The following SLC23A3 variants were observed in gnomAD, a reference collection of about 807,000 sequenced individuals.
SLC23A3 encodes the protein solute carrier family 23 member 3, also known as E2-binding protein 3.
A neutral mutation model predicts 64.7 loss-of-function variants in SLC23A3; 41 were observed. The ratio of observed to expected loss-of-function variants is 0.63; its 90% CI spans 0.49 to 0.82. The LOEUF (loss-of-function observed/expected upper bound fraction) is 0.82. SLC23A3 is among the 40% of genes least tolerant of loss of function. SLC23A3 has a pLI of 0.00. For synonymous variants in SLC23A3, 281 were observed against 306.8 expected (o/e 0.92, Z 0.88); for missense variants, 647 against 733.4 (o/e 0.88, Z 1.36).
chr2:219,168,673 G>A lies in SLC23A3; in HGVS notation c.653C>T (p.Thr218Ile), dbSNP rs748963017. ...AHREVAQFCF[T>I]HWGLALLVIL... ...GTACAGCAAGGCCAACCCCCAGTGT[G>A]TGAAGCAGAACTGGGCTACCTCCCT... The change falls in exon 5 of 12, where the codon ACA (threonine) becomes ATA (isoleucine). Residue 218 changes from threonine (T) to isoleucine (I), a missense_variant. Transcript: ENST00000409878. 2.5e-6 allele frequency: 4 copies of A among 1,613,902 alleles called. No individual in the cohort carries two copies. The highest frequency in any genetic ancestry group is 1.1e-5 in the South Asian group (1 of 91,064).
chr2:219,168,016 A>G lies in SLC23A3; in HGVS notation c.827T>C (p.Ile276Thr), dbSNP rs562357822. 3.7e-5 allele frequency: 59 copies of G among 1,589,332 alleles called. No homozygotes were observed. The highest frequency in any genetic ancestry group is 3.3e-4 in the Middle Eastern group (2 of 5,982). Residue 276 changes from isoleucine to threonine, a missense_variant, in exon 7 of 12, where the codon ATT becomes ACT. Transcript: ENST00000409878. ...SVLIPVACVW[I>T]VSAFVGFSVI... is the part of the protein sequence containing the mutation. The stretch of plus-strand genomic sequence containing the variant: ...ACTGAATCCCACAAAGGCAGAAACA[A>G]TCCACACACAGGCCACTGGGATCAG...
chr2:219,164,317 G>A lies in SLC23A3; in HGVS notation c.1189C>T (p.His397Tyr). 1 of 1,603,324 alleles carries A rather than the reference G, an allele frequency of 6.2e-7. No homozygotes were observed. Residue 397 changes from histidine (H) to tyrosine (Y), a missense_variant, in exon 9 of 12, where the codon CAC (histidine) becomes TAC (tyrosine). His to Tyr is a moderately conservative substitution (Grantham distance 83). Transcript: ENST00000409878. ...CCCACGCAGAGTAGCCCCACTAAGT[G>A]AGCCACTTGCTGAGATCCAGCCTGC... Reference protein sequence around the residue: ...LIQAGSQQVAHLVGLLCVGLG... With the variant: ...LIQAGSQQVAYLVGLLCVGLG...
In SLC23A3 at chr2:219,167,911, G is replaced by C. The variant is rs369868538; in HGVS notation, c.913+19C>G. Reference sequence around the variant, plus strand: ...ACCTTTATTTGAACAAGAGAATGGAGGACTAGGAGAAAACCTACCTGGGTG... The same window carrying C: ...ACCTTTATTTGAACAAGAGAATGGACGACTAGGAGAAAACCTACCTGGGTG... On this transcript the variant is annotated intron_variant, in intron 7 of 11. Transcript: ENST00000409878. The C allele has an allele frequency of 7.8e-6, 12 of 1,531,364 alleles. No individual in the cohort carries two copies. 94.9% of individuals were successfully genotyped at this position (1,531,364 alleles called of 1,614,324 possible). A position where few individuals can be genotyped will look rare whatever the true frequency, so the allele number is the denominator to read the frequency against.
intron 9 of SLC23A3, 126 bp downstream of exon 9, chr2:219,164,107 C>T: frequency 1.5e-6 from 1 of 656,490 alleles, no homozygotes; most frequent in Non-Finnish European, 2.7e-6. Context: ...TCCATCCATC[C>T]ATCCATCCAT....
chr2:219,163,467 G>A lies in SLC23A3; in HGVS notation c.1362C>T (p.Ile454=). The change falls in exon 10 of 12, where the codon ATC becomes ATT. Residue 454 remains isoleucine, a synonymous_variant. Transcript: ENST00000409878. Reference sequence around the variant, plus strand: ...TGAAGATGGAGAAGCCCACAATGAAGATATTTCGCCCAGAGTCTATGTCAG... The same window carrying A: ...TGAAGATGGAGAAGCCCACAATGAAAATATTTCGCCCAGAGTCTATGTCAG... ...YLADIDSGRN[I]FIVGFSIFMA... is the part of the protein sequence containing the mutation. The A allele has an allele frequency of 2.5e-6, 4 of 1,614,202 alleles. No individual in the cohort carries two copies. The highest frequency in any genetic ancestry group is 3.4e-6 in the Non-Finnish European group (4 of 1,180,042).
chr2:219,163,664 G>A (rs1949972507), intron 9 of SLC23A3, 109 bp from the exon 10 acceptor site: 1 of 1,119,134 alleles, frequency 8.9e-7, no homozygotes, highest in Non-Finnish European at 1.3e-6. Context: ...TAAAACCCAA[G>A]AGAATGATTT....
chr2:219,168,453 G>A, intron 5 of SLC23A3, 135 bp from the exon 6 acceptor site: 1 of 1,210,310 alleles, frequency 8.3e-7, no homozygotes, highest in Non-Finnish European at 1.1e-6. Context: ...GGAATAGGAA[G>A]TGACCTTGGG....
chr2:219,163,901 C>T (rs1225486559), intron 9 of SLC23A3, among the ~76,000 whole-genome samples: 3 of 152,034 alleles, frequency 2.0e-5, no homozygotes, highest in Admixed American at 6.5e-5. Flanking sequence ...AGGGTTTCAT[C>T]ATGTTGGCCA....
intron 6 of SLC23A3, 62 bp downstream of exon 6, chr2:219,168,133 T>A: frequency 6.3e-7 from 1 of 1,594,040 alleles, no homozygotes; most frequent in East Asian, 2.2e-5. Context: ...AGGTAGGGGA[T>A]GGAGTGAGCA....
rs1003835007 is a variant in SLC23A3, at chr2:219,162,530, C to G, written c.1442-136G>C. On this transcript the variant is annotated intron_variant, in intron 10 of 11. Coordinates refer to ENST00000409878, the MANE Select transcript of SLC23A3 (RefSeq NM_001144889.2). Reference sequence around the variant, plus strand: ...TGAATTGTCATTTCATCCCTCTCACCCTTTGTCTTTCTACTCTCCACTTTC... The same window carrying G: ...TGAATTGTCATTTCATCCCTCTCACGCTTTGTCTTTCTACTCTCCACTTTC... 13 of 672,082 alleles carry G rather than the reference C, an allele frequency of 1.9e-5. No individual in the cohort carries two copies. The Admixed American group carries it at 3.1e-4, about 16-fold the overall frequency. 41.6% of individuals were successfully genotyped at this position (672,082 alleles called of 1,614,324 possible).
At chr2:219,168,995 C>T in intron 4 of SLC23A3, 34 bp downstream of exon 4, 2 of 1,601,736 alleles carry the variant, frequency 1.2e-6, no homozygotes, top group East Asian at 2.2e-5. Flanking sequence ...AAGCCTGGCA[C>T]CACCCTTATC....
At chr2:219,162,622 C>CA (rs1949960303) in intron 10 of SLC23A3, among the ~76,000 whole-genome samples, 1 of 152,204 alleles carries the variant, frequency 6.6e-6, no homozygotes, top group Non-Finnish European at 1.5e-5. Flanking sequence ...ACACACCCTC[C>CA]ATATATGCTT....
At position 219,169,135 on chromosome 2, in the gene SLC23A3, G is replaced by A. The variant is rs756700381; in HGVS notation, c.419-33C>T. ...AAGTTTGGGGCATGGAGAAGAGAAG[G>A]GTGAATGGAATGGAGACCCATTGCT... is the stretch of plus-strand genomic sequence containing the variant. On this transcript the variant is annotated intron_variant, in intron 3 of 11. Transcript: ENST00000409878. The surrounding 1 kb of genome is among the most constrained non-coding windows in gnomAD (Gnocchi z 4.5). The A allele has an allele frequency of 1.2e-5, 20 of 1,609,492 alleles. 1 individual carries two copies. Among genetic ancestry groups the A allele is most frequent in the Admixed American group, 3.3e-5 (2 of 59,976 alleles).
In SLC23A3 at chr2:219,161,955, T is replaced by C; in HGVS notation, c.1787A>G (p.Glu596Gly). The C allele has an allele frequency of 6.2e-7, 1 of 1,605,904 alleles. No homozygotes were observed. Among genetic ancestry groups the C allele is most frequent in the Non-Finnish European group, 8.5e-7 (1 of 1,175,420 alleles). The change falls in exon 12 of 12, where the codon GAG becomes GGG. Residue 596 changes from glutamate to glycine, a missense_variant. Physicochemically the swap from Glu to Gly is moderately conservative, Grantham distance 98. Transcript: ENST00000409878. ...EMADLLPGSG[E>G]PCPESSREGF... ...TTCTCTGCTAGATTCAGGGCATGGCTCCCCTGAGCCAGGCAGCAAGTCTGC... is the reference window on the plus strand; with the variant it reads ...TTCTCTGCTAGATTCAGGGCATGGCCCCCCTGAGCCAGGCAGCAAGTCTGC...
chr2:219,163,681 T>A lies in SLC23A3; in HGVS notation c.1274-126A>T, dbSNP rs369188504. 9 of 917,306 alleles carry A rather than the reference T, an allele frequency of 9.8e-6. No individual in the cohort carries two copies. In the African/African-American group the frequency reaches 1.5e-4, roughly 15 times the overall value. 56.8% of individuals were successfully genotyped at this position (917,306 alleles called of 1,614,324 possible). A position where few individuals can be genotyped will look rare whatever the true frequency, so the allele number is the denominator to read the frequency against. ...AAACCCAAGAGAATGATTTTTGTTT[T>A]TTTTGTTTTTTTGTTTTTTTGGTTT... is the stretch of plus-strand genomic sequence containing the variant. On this transcript the variant is annotated intron_variant, in intron 9 of 11. Coordinates refer to ENST00000409878, the MANE Select transcript of SLC23A3 (RefSeq NM_001144889.2).
chr2:219,165,529 G>A lies in SLC23A3; in HGVS notation c.914-107C>T, dbSNP rs970163242. Reference sequence around the variant, plus strand: ...TCCTAGATGCCTCAATGTCTTTGAAGACAATGTCTTGGGACAAAACTACTG... The same window carrying A: ...TCCTAGATGCCTCAATGTCTTTGAAAACAATGTCTTGGGACAAAACTACTG... On this transcript the variant is annotated intron_variant, in intron 7 of 11. Coordinates refer to ENST00000409878, the MANE Select transcript of SLC23A3 (RefSeq NM_001144889.2). The A allele has an allele frequency of 4.5e-6, 6 of 1,334,894 alleles. No individual in the cohort carries two copies. The African/African-American group carries it at 9.0e-5, about 20-fold the overall frequency. The allele number at this position is 1,334,894 out of a possible 1,614,324, so 82.7% of individuals were successfully genotyped here.
At position 219,161,931 on chromosome 2, in the gene SLC23A3, T is replaced by G; in HGVS notation, c.1811A>C (p.Glu604Ala). Residue 604 changes from glutamate (E) to alanine (A), a missense_variant, in exon 12 of 12, where the codon GAA (glutamate) becomes GCA (alanine). By Grantham distance (107) the Glu-to-Ala change is moderately radical. Transcript: ENST00000409878. ...TGGTCATTTCTGGGACCTAAACCCT[T>G]CTCTGCTAGATTCAGGGCATGGCTC... ...SGEPCPESSR[E>A]GFRSQK 1 of 1,581,396 alleles carries G rather than the reference T, an allele frequency of 6.3e-7. No individual in the cohort carries two copies. The highest frequency in any genetic ancestry group is 1.8e-5 in the Admixed American group (1 of 54,326).
rs751464199 is a variant in SLC23A3 at position 219,168,634 on chromosome 2, C to T, written c.674+18G>A. The T allele has an allele frequency of 1.1e-4, 176 of 1,611,834 alleles. No individual in the cohort carries two copies. Among genetic ancestry groups the T allele is most frequent in the Non-Finnish European group, 1.5e-4 (171 of 1,179,062 alleles). ...ACCCCCACTGGGCACCATCCCACGC[C>T]TCTCAGGACTCACGTACAGCAAGGC... On this transcript the variant is annotated intron_variant, in intron 5 of 11. Coordinates refer to ENST00000409878, the MANE Select transcript of SLC23A3 (RefSeq NM_001144889.2).
At chr2:219,163,254 T>C (rs1574756679) in intron 10 of SLC23A3, 134 bp downstream of exon 10, 2 of 886,040 alleles carry the variant, frequency 2.3e-6, no homozygotes, top group East Asian at 2.4e-5. Flanking sequence ...TAGTGCTCAA[T>C]AAATATCTGT....
Sources: allele counts gnomAD v4.1 joint callset (sites outside exome capture counted in the v4.1 genomes callset), GRCh38; gene constraint gnomAD v4.1.1; non-coding constraint Gnocchi (gnomAD v3.1); transcripts MANE v1.5; gene names NCBI Gene and HGNC (gene_info 2026-07-23, HGNC 2026-07-21).